The following TMCC1 variants were observed in gnomAD, a reference collection of about 807,000 sequenced individuals.
TMCC1 encodes transmembrane and coiled-coil domains protein 1.
A neutral mutation model predicts 52.4 loss-of-function variants in TMCC1; 15 were observed. That is an observed-to-expected ratio of 0.29 (90% confidence interval 0.19 to 0.44). TMCC1 has a LOEUF of 0.44. Ranked by LOEUF, TMCC1 falls within the 20% of genes least tolerant of loss-of-function variation. The pLI is 1.00. For missense variants in TMCC1, 503 were observed against 806.0 expected (o/e 0.62, Z 4.55); for synonymous variants, 279 against 301.9 (o/e 0.92, Z 0.79).
At chr3:129,840,620 T>A (rs528783579) in intron 2 of TMCC1, among the ~76,000 whole-genome samples, 1 of 152,188 alleles carries the variant, frequency 6.6e-6, no homozygotes, top group Non-Finnish European at 1.5e-5. Flanking sequence ...GGGAGGCGAC[T>A]GGATCACGGG....
At chr3:129,700,099 G>A (rs897967734) in intron 4 of TMCC1, among the ~76,000 whole-genome samples, 2 of 152,074 alleles carry the variant, frequency 1.3e-5, no homozygotes, top group Non-Finnish European at 2.9e-5. Flanking sequence ...TTTATGGTCG[G>A]GTACTGTGGC....
intron 3 of TMCC1, among the ~76,000 whole-genome samples, chr3:129,829,852 G>C (rs1465573268): frequency 1.3e-5 from 2 of 152,154 alleles, no homozygotes; most frequent in African/African-American, 4.8e-5. Flanking sequence ...ACTCACTAAA[G>C]TTTTGTTCCT....
chr3:129,860,885 AC>A (rs1577121097), intron 2 of TMCC1: 2 of 152,184 alleles, frequency 1.3e-5, no homozygotes, highest in African/African-American at 4.8e-5. Context: ...GGCGTGAGCC[AC>A]CATGCCCAGC....
At chr3:129,712,294 C>G (rs1446467881) in intron 4 of TMCC1, among the ~76,000 whole-genome samples, 2 of 152,114 alleles carry the variant, frequency 1.3e-5, no homozygotes, top group Non-Finnish European at 2.9e-5. Flanking sequence ...ATGAGCTGTT[C>G]CAGTTTATGC....
In TMCC1 at chr3:129,673,157, T is replaced by A. The variant is rs888602500; in HGVS notation, c.577-1893A>T. 2.6e-5 allele frequency among the ~76,000 whole-genome samples: 4 copies of A among 152,268 alleles called. No individual in the cohort carries two copies. The South Asian group carries it at 6.2e-4, about 24-fold the overall frequency. On this transcript the variant is annotated intron_variant, in intron 4 of 6. Coordinates refer to ENST00000393238, the MANE Select transcript of TMCC1 (RefSeq NM_001017395.5). Reference sequence around the variant, plus strand: ...TTACTAGCACAATAACTGTTTTGTGTCACTTCCTCCTTCTGCCCAATTCAT... The same window carrying A: ...TTACTAGCACAATAACTGTTTTGTGACACTTCCTCCTTCTGCCCAATTCAT...
chr3:129,680,933 T>C (rs911229176), intron 4 of TMCC1, among the ~76,000 whole-genome samples: 3 of 151,442 alleles, frequency 2.0e-5, no homozygotes, highest in Non-Finnish European at 4.4e-5. Flanking sequence ...AGTTAGACTC[T>C]GAATGGGAAT....
intron 4 of TMCC1, among the ~76,000 whole-genome samples, chr3:129,698,888 T>G (rs1378300471): frequency 6.6e-6 from 1 of 152,182 alleles, no homozygotes; most frequent in East Asian, 1.9e-4. Flanking sequence ...TGCTTTATTT[T>G]AATATAAGCA....
chr3:129,653,973 T>A (rs2086514347), intron 6 of TMCC1, among the ~76,000 whole-genome samples: 1 of 152,172 alleles, frequency 6.6e-6, no homozygotes, highest in Admixed American at 6.5e-5. Context: ...TCTTATAACA[T>A]ATGCAATTAG....
chr3:129,870,759 C>CAAAAAA (rs61673201), intron 2 of TMCC1, among the ~76,000 whole-genome samples: 3 of 10,672 alleles, frequency 2.8e-4, no homozygotes, highest in African/African-American at 5.3e-4. Context: ...GACTCCATCT[C>CAAAAAA]AAAAAAAAAA....
intron 2 of TMCC1, among the ~76,000 whole-genome samples, chr3:129,868,689 C>T (rs2060773412): frequency 1.3e-5 from 2 of 152,216 alleles, no homozygotes; most frequent in Admixed American, 1.3e-4. Context: ...ATCCACCCAC[C>T]TTGGCCTTCC....
intron 4 of TMCC1, among the ~76,000 whole-genome samples, chr3:129,793,072 G>T (rs2107753590): frequency 6.6e-6 from 1 of 152,098 alleles, no homozygotes; most frequent in South Asian, 2.1e-4. Context: ...CTTTTTAAAT[G>T]TACTATATAT....
chr3:129,861,258 G>T (rs2060384110), intron 2 of TMCC1, among the ~76,000 whole-genome samples: 1 of 152,094 alleles, frequency 6.6e-6, no homozygotes, highest in South Asian at 2.1e-4. Flanking sequence ...GGCCAACATG[G>T]TGGAACCCCA....
chr3:129,707,959 C>T (rs1387023084), intron 4 of TMCC1, among the ~76,000 whole-genome samples: 1 of 151,574 alleles, frequency 6.6e-6, no homozygotes, highest in Non-Finnish European at 1.5e-5. Flanking sequence ...ATTGAGACGA[C>T]TGCTAAAGCT....
intron 4 of TMCC1, among the ~76,000 whole-genome samples, chr3:129,813,736 C>G (rs1243125391): frequency 6.6e-6 from 1 of 151,786 alleles, no homozygotes; most frequent in African/African-American, 2.4e-5. Context: ...GTACAACAAA[C>G]CCCCGCAACA....
rs545810415 is a variant in TMCC1, at chr3:129,808,563, C to T, written c.576+19240G>A. On this transcript the variant is annotated intron_variant, in intron 4 of 6. Coordinates refer to ENST00000393238, the MANE Select transcript of TMCC1 (RefSeq NM_001017395.5). Reference sequence around the variant, plus strand: ...CAGTTCTTTGAGAATTTGGAGAGAACCCAATGACAGTTATAAACAACAAAA... The same window carrying T: ...CAGTTCTTTGAGAATTTGGAGAGAATCCAATGACAGTTATAAACAACAAAA... 2.7e-5 allele frequency among the ~76,000 whole-genome samples: 4 copies of T among 150,426 alleles called. No homozygotes were observed. The East Asian group carries it at 7.8e-4, about 29-fold the overall frequency.
At chr3:129,844,329 A>G (rs181667810) in intron 2 of TMCC1, among the ~76,000 whole-genome samples, 50 of 152,320 alleles carry the variant, frequency 3.3e-4, no homozygotes, top group Non-Finnish European at 1.5e-5. Flanking sequence ...TGATTTCAGG[A>G]GTGAATGGAA....
At chr3:129,657,760 A>C (rs1216346115) in intron 5 of TMCC1, among the ~76,000 whole-genome samples, 1 of 152,202 alleles carries the variant, frequency 6.6e-6, no homozygotes, top group Admixed American at 6.5e-5. Context: ...AAAAGATAAG[A>C]GTTGGTGAGG....
intron 4 of TMCC1, among the ~76,000 whole-genome samples, chr3:129,779,148 A>G (rs1208671025): frequency 1.3e-5 from 2 of 152,208 alleles, no homozygotes; most frequent in East Asian, 3.8e-4. Context: ...AAATCAGCTA[A>G]GAATGGTCAT....
intron 4 of TMCC1, among the ~76,000 whole-genome samples, chr3:129,719,537 T>C (rs62265564): frequency 0.082 from 12,521 of 152,236 alleles, 681 homozygotes; most frequent in East Asian, 0.18. Flanking sequence ...TCAATGGGCA[T>C]TGGAAATGGG....
Sources: allele counts gnomAD v4.1 joint callset (sites outside exome capture counted in the v4.1 genomes callset), GRCh38; gene constraint gnomAD v4.1.1; transcripts MANE v1.5; gene names NCBI Gene and HGNC (gene_info 2026-07-23, HGNC 2026-07-21).